DHX37: variants seen among roughly 807,000 people sequenced by gnomAD.
DHX37 encodes probable ATP-dependent RNA helicase DHX37.
Under a neutral mutation model 134.3 loss-of-function variants are expected in DHX37, and 52 were observed. The ratio of observed to expected loss-of-function variants is 0.39; its 90% CI spans 0.31 to 0.49. The LOEUF is 0.49. DHX37 is among the 20% of genes least tolerant of loss of function. DHX37 has a pLI of 0.93. For synonymous variants in DHX37, 634 were observed against 670.7 expected (o/e 0.95, Z 0.85); for missense variants, 1,344 against 1,580.8 (o/e 0.85, Z 2.54).
chr12:124,976,001 G>A (rs1954632499), intron 5 of DHX37, among the ~76,000 whole-genome samples: 1 of 152,228 alleles, frequency 6.6e-6, no homozygotes, highest in Non-Finnish European at 1.5e-5. Flanking sequence ...GCCTGTTTGT[G>A]CAAACAGGGT....
At chr12:124,982,350 C>G (rs1319026383) in intron 3 of DHX37, among the ~76,000 whole-genome samples, 161 bp downstream of exon 3, 1 of 152,140 alleles carries the variant, frequency 6.6e-6, no homozygotes, top group African/African-American at 2.4e-5. Context: ...GTGGCCTTTA[C>G]CCACTAGAGG....
chr12:124,965,514 T>A (rs573303895), intron 13 of DHX37, among the ~76,000 whole-genome samples, 154 bp downstream of exon 13: 14 of 152,340 alleles, frequency 9.2e-5, no homozygotes, highest in African/African-American at 3.1e-4. Context: ...GGCAAATGTT[T>A]GAGGCCTCCT....
At position 124,965,702 on chromosome 12, in the gene DHX37, G is replaced by A. The variant is rs377075951; in HGVS notation, c.1701C>T (p.Leu567=). Residue 567 remains leucine (L), a synonymous_variant, in exon 13 of 27, where the codon CTC becomes CTT. Coordinates refer to ENST00000308736, the MANE Select transcript of DHX37 (RefSeq NM_032656.4). ...DEEEGALDSD[L]DLDLGDGGQD... The stretch of plus-strand genomic sequence containing the variant: ...GCCCGCCATCCCCCAGGTCCAGATC[G>A]AGGTCGGAGTCCAGGGCCCCCTCTT... 10 of 1,613,354 alleles carry A rather than the reference G, an allele frequency of 6.2e-6. No homozygotes were observed. Among genetic ancestry groups the A allele is most frequent in the African/African-American group, 2.7e-5 (2 of 74,902 alleles).
chr12:124,965,012 G>A lies in DHX37; in HGVS notation c.1736-6C>T. 2 of 1,591,074 alleles carry A rather than the reference G, an allele frequency of 1.3e-6. No homozygotes were observed. Among genetic ancestry groups the A allele is most frequent in the Non-Finnish European group, 1.7e-6 (2 of 1,170,650 alleles). Reference sequence around the variant, plus strand: ...GGAGGCATCCGGCTGCTCACCTGGAGGGAAAGCAGAGGTCACTGGCACCCA... The same window carrying A: ...GGAGGCATCCGGCTGCTCACCTGGAAGGAAAGCAGAGGTCACTGGCACCCA... On this transcript the variant is annotated splice_polypyrimidine_tract_variant and splice_region_variant and intron_variant, in intron 13 of 26. Coordinates refer to ENST00000308736, the MANE Select transcript of DHX37 (RefSeq NM_032656.4).
At chr12:124,950,603 GCTGCCATGCCT>G in intron 22 of DHX37, 53 bp from the exon 23 acceptor site, 1 of 1,552,850 alleles carries the variant, frequency 6.4e-7, no homozygotes, top group South Asian at 1.2e-5. Context: ...CGTGGGAGGG[GCTGCCATGCCT>G]CTGCCCCAGG....
intron 15 of DHX37, among the ~76,000 whole-genome samples, chr12:124,962,664 AAAAC>A (rs200662820): frequency 9.2e-5 from 14 of 151,832 alleles, no homozygotes; most frequent in Admixed American, 2.6e-4. Flanking sequence ...TCTCAAAAAC[AAAAC>A]AAACAAACAA....
intron 19 of DHX37, 37 bp downstream of exon 19, chr12:124,954,050 G>T: frequency 2.5e-6 from 4 of 1,608,852 alleles, no homozygotes; most frequent in Non-Finnish European, 3.4e-6. Flanking sequence ...AGACCTGGGT[G>T]ACCCTCCCGC....
chr12:124,977,278 G>A (rs995613638), intron 5 of DHX37, 64 bp downstream of exon 5: 14 of 1,452,480 alleles, frequency 9.6e-6, no homozygotes, highest in South Asian at 7.7e-5. Flanking sequence ...GGCTCTTATC[G>A]ACCTTTCAGG....
Position 124,952,431 on chromosome 12 carries a change from C to T in DHX37, c.2835G>A (p.Glu945=). 1.9e-6 allele frequency: 3 copies of T among 1,611,166 alleles called. No individual in the cohort carries two copies. The highest frequency in any genetic ancestry group is 2.2e-5 in the South Asian group (2 of 90,850). The change falls in exon 21 of 27, where the codon GAG becomes GAA. Residue 945 remains glutamate, a synonymous_variant. Coordinates refer to ENST00000308736, the MANE Select transcript of DHX37 (RefSeq NM_032656.4). ...CGTTCCTCCACTTGTCCTCCAGCAT[C>T]TCCTCGCTCTGGACCCTGCGGGCCA... ...DHLARRVQSE[E]MLEDKWRNAY...
Position 124,964,996 on chromosome 12 carries a change from C to T in DHX37, c.1746G>A (p.Pro582=), listed in dbSNP as rs772733615. The T allele has an allele frequency of 1.7e-5, 27 of 1,595,118 alleles. 1 individual carries two copies. The highest frequency in any genetic ancestry group is 9.1e-5 in the East Asian group (4 of 44,196). Residue 582 remains proline, a synonymous_variant, in exon 14 of 27, where the codon CCG becomes CCA. Transcript: ENST00000308736. The part of the protein sequence containing the change: ...GDGGQDGGEQ[P]DASLPLHVLP... ...GCACGTGGAGCGGGAGGGAGGCATCCGGCTGCTCACCTGGAGGGAAAGCAG... is the reference window on the plus strand; with the variant it reads ...GCACGTGGAGCGGGAGGGAGGCATCTGGCTGCTCACCTGGAGGGAAAGCAG...
Position 124,977,509 on chromosome 12 carries a change from A to G in DHX37, c.739-19T>C. The G allele has an allele frequency of 1.3e-6, 2 of 1,580,072 alleles. No individual in the cohort carries two copies. Among genetic ancestry groups the G allele is most frequent in the Non-Finnish European group, 1.7e-6 (2 of 1,166,104 alleles). On this transcript the variant is annotated intron_variant, in intron 4 of 26. Coordinates refer to ENST00000308736, the MANE Select transcript of DHX37 (RefSeq NM_032656.4). ...GTTCCTCCTGGAAGGAGAGGAAGTC[A>G]GCACTTAGGGAGCAGCAAGACTATA...
At chr12:124,954,321 A>G (rs1286924466) in intron 18 of DHX37, 110 bp from the exon 19 acceptor site, 1 of 1,445,246 alleles carries the variant, frequency 6.9e-7, no homozygotes, top group East Asian at 2.3e-5. Context: ...TTGTGGGGTC[A>G]CTGATGAATG....
At chr12:124,984,711 G>A (rs1438739947) in intron 2 of DHX37, among the ~76,000 whole-genome samples, 1 of 152,104 alleles carries the variant, frequency 6.6e-6, no homozygotes, top group Non-Finnish European at 1.5e-5. Flanking sequence ...GATTAGGTGT[G>A]CTAATGGTAT....
At chr12:124,972,183 C>T (rs1052157277) in intron 7 of DHX37, among the ~76,000 whole-genome samples, 9 of 152,238 alleles carry the variant, frequency 5.9e-5, no homozygotes, top group Non-Finnish European at 1.2e-4. Context: ...CCCGGCAAGG[C>T]GTGAACTCTG....
At chr12:124,954,243 G>C (rs1954041127) in intron 18 of DHX37, 32 bp from the exon 19 acceptor site, 1 of 1,534,608 alleles carries the variant, frequency 6.5e-7, no homozygotes, top group African/African-American at 1.4e-5. Flanking sequence ...GTCTGGGCTG[G>C]GGCCTCGGCT....
At chr12:124,965,134 C>G in intron 13 of DHX37, 128 bp from the exon 14 acceptor site, 1 of 1,099,512 alleles carries the variant, frequency 9.1e-7, no homozygotes, top group Non-Finnish European at 1.3e-6. Flanking sequence ...GCTGCAGAGG[C>G]TCCCCTTGGG....
chr12:124,965,260 T>C (rs1318568379), intron 13 of DHX37, among the ~76,000 whole-genome samples: 1 of 152,156 alleles, frequency 6.6e-6, no homozygotes, highest in Non-Finnish European at 1.5e-5. Context: ...TCCAAACCCC[T>C]GGCATGGATC....
chr12:124,979,869 C>T lies in DHX37; in HGVS notation c.738+621G>A, dbSNP rs149376255. ...TGGGGTCATTTGCTAGAGCGGTCAG[C>T]TTACCCTGATGAAGACTTATAAAAG... On this transcript the variant is annotated intron_variant, in intron 4 of 26. Transcript: ENST00000308736. 3.0e-4 allele frequency among the ~76,000 whole-genome samples: 45 copies of T among 152,304 alleles called. No homozygotes were observed. In the East Asian group the frequency reaches 8.7e-3, roughly 29 times the overall value.
chr12:124,972,683 G>C, intron 6 of DHX37, 84 bp from the exon 7 acceptor site: 1 of 1,409,982 alleles, frequency 7.1e-7, no homozygotes, highest in South Asian at 1.2e-5. Context: ...AGGCCGTGGA[G>C]CAGGCAGGCG....
Sources: allele counts gnomAD v4.1 joint callset (sites outside exome capture counted in the v4.1 genomes callset), GRCh38; gene constraint gnomAD v4.1.1; transcripts MANE v1.5; gene names NCBI Gene and HGNC (gene_info 2026-07-23, HGNC 2026-07-21).